ST3GAL3: variants seen among roughly 807,000 people sequenced by gnomAD.
The protein encoded by ST3GAL3 is CMP-N-acetylneuraminate-beta-1,4-galactoside alpha-2,3-sialyltransferase.
Under a neutral mutation model 50.1 loss-of-function variants are expected in ST3GAL3, and 21 were observed. That is an observed-to-expected ratio of 0.42 (90% CI 0.30 to 0.60). The LOEUF is 0.60. Among genes scored for constraint, ST3GAL3 ranks in the 20% least tolerant of loss-of-function variants. The pLI is 0.19. For synonymous variants in ST3GAL3, 183 were observed against 190.0 expected, an observed-to-expected ratio of 0.96 and a Z score of 0.30; for missense variants, 353 against 489.4, an observed-to-expected ratio of 0.72 and a Z score of 2.63.
At chr1:43,857,556 T>TTCCC (rs2068728482) in intron 5 of ST3GAL3, among the ~76,000 whole-genome samples, 2 of 93,848 alleles carry the variant, frequency 2.1e-5, no homozygotes, top group African/African-American at 7.5e-5. Flanking sequence ...CCTTCCTTCC[T>TTCCC]TTCCTTCCTT....
chr1:43,755,423 C>T (rs1208393143), intron 2 of ST3GAL3, among the ~76,000 whole-genome samples: 1 of 152,154 alleles, frequency 6.6e-6, no homozygotes, highest in Admixed American at 6.5e-5. Flanking sequence ...ATTGGTACAG[C>T]CATTCTGGAG....
At chr1:43,892,036 C>G (rs992265317) in intron 5 of ST3GAL3, among the ~76,000 whole-genome samples, 1 of 152,168 alleles carries the variant, frequency 6.6e-6, no homozygotes, top group African/African-American at 2.4e-5. Context: ...CTCTACCTCC[C>G]AGGTTCAAGC....
chr1:43,857,583 C>T (rs529704135), intron 5 of ST3GAL3, among the ~76,000 whole-genome samples: 1 of 57,972 alleles, frequency 1.7e-5, no homozygotes, highest in Non-Finnish European at 2.9e-5. Context: ...TTCCTTCCTC[C>T]CTCCCTTCCT....
chr1:43,921,083 C>T lies in ST3GAL3; in HGVS notation c.1038+155C>T, dbSNP rs1272573768. The T allele has an allele frequency of 1.0e-5, 9 of 888,746 alleles. 1 individual carries two copies. The East Asian group carries it at 2.4e-4, about 24-fold the overall frequency. The allele number at this position is 888,746 out of a possible 1,614,324, so 55.1% of individuals were successfully genotyped here. On this transcript the variant is annotated intron_variant, in intron 11 of 11. Transcript: ENST00000347631. ...TCCTACGTGCCCTCTCCACAGCCTC[C>T]CACTGAACCCAGGGCCTTCTCCCTG...
At chr1:43,801,327 A>T (rs1442005227) in intron 3 of ST3GAL3, 3 of 456,200 alleles carry the variant, frequency 6.6e-6, no homozygotes, top group Non-Finnish European at 4.4e-6. Flanking sequence ...ATTACAATGA[A>T]AAAAGGAAGT....
intron 9 of ST3GAL3, among the ~76,000 whole-genome samples, chr1:43,904,556 C>T (rs927102366): frequency 2.6e-5 from 4 of 152,004 alleles, no homozygotes; most frequent in African/African-American, 9.7e-5. Context: ...AACCATTGCT[C>T]CTCTACCCCC....
At chr1:43,801,351 C>T (rs746062630) in intron 3 of ST3GAL3, 23 of 456,234 alleles carry the variant, frequency 5.0e-5, no homozygotes, top group Non-Finnish European at 6.6e-5. Context: ...TCACTCACAA[C>T]GGAAATGCCA....
intron 2 of ST3GAL3, among the ~76,000 whole-genome samples, chr1:43,759,073 A>G (rs1011723390): frequency 4.2e-4 from 39 of 93,926 alleles, no homozygotes; most frequent in South Asian, 9.0e-4. Context: ...GCGCACACAC[A>G]CACACACACA....
intron 2 of ST3GAL3, among the ~76,000 whole-genome samples, chr1:43,784,256 C>G (rs2056986782): frequency 6.6e-6 from 1 of 152,160 alleles, no homozygotes; most frequent in African/African-American, 2.4e-5. Flanking sequence ...TGCCTGTAAT[C>G]CCAGCACTTT....
In ST3GAL3 at chr1:43,723,095, C is replaced by T. The variant is rs304304; in HGVS notation, c.-30-13138C>T. ...GTTATTTAAGAGGGTAGCAACCCTC[C>T]CCTCTCTCTCTTCCCTCCTTTTTTT... On this transcript the variant is annotated intron_variant, in intron 1 of 11. Coordinates refer to ENST00000347631, the MANE Select transcript of ST3GAL3 (RefSeq NM_006279.5). Among the ~76,000 whole-genome samples the T allele has an allele frequency of 3.2e-3, 482 of 151,724 alleles. 1 individual carries two copies. The highest frequency in any genetic ancestry group is 5.6e-3 in the Non-Finnish European group (382 of 67,866).
At chr1:43,929,686 C>T (rs574895807) in intron 11 of ST3GAL3, among the ~76,000 whole-genome samples, 2 of 152,344 alleles carry the variant, frequency 1.3e-5, no homozygotes, top group South Asian at 4.1e-4. Flanking sequence ...TCATCCGCCG[C>T]CCCCAGGCCT....
chr1:43,716,026 C>T (rs1042821141), intron 1 of ST3GAL3, among the ~76,000 whole-genome samples: 8 of 152,192 alleles, frequency 5.3e-5, no homozygotes, highest in African/African-American at 1.4e-4. Context: ...TATATAGTTA[C>T]GAGTTTTTGT....
At chr1:43,795,617 C>T (rs1041678650) in intron 3 of ST3GAL3, among the ~76,000 whole-genome samples, 8 of 152,154 alleles carry the variant, frequency 5.3e-5, no homozygotes, top group Non-Finnish European at 1.0e-4. Flanking sequence ...TCGCCAAAAA[C>T]GTTTTAGAAC....
At chr1:43,829,195 A>G (rs997648102) in intron 4 of ST3GAL3, among the ~76,000 whole-genome samples, 1 of 151,938 alleles carries the variant, frequency 6.6e-6, no homozygotes, top group Non-Finnish European at 1.5e-5. Context: ...TTGAAATCAG[A>G]AAGCTCTATA....
intron 4 of ST3GAL3, among the ~76,000 whole-genome samples, chr1:43,820,597 T>C (rs535245054): frequency 1.3e-5 from 2 of 152,206 alleles, no homozygotes; most frequent in African/African-American, 4.8e-5. Context: ...CATTTTAGAT[T>C]TTTTTTCTTC....
At position 43,744,655 on chromosome 1, in the gene ST3GAL3, A is replaced by AAAATAAATAAATAAATAAATAAAT. The variant is rs71036638; in HGVS notation, c.118+8287_118+8310dup. ...GGGACAGAGCGAGACTCCCTCTCAA[A>AAAATAAATAAATAAATAAATAAAT]AAATAAATAAATAAATAAATAAATA... On this transcript the variant is annotated intron_variant, in intron 2 of 11. Transcript: ENST00000347631. 6.3e-3 allele frequency among the ~76,000 whole-genome samples: 890 copies of AAAATAAATAAATAAATAAATAAAT among 140,936 alleles called. 7 individuals carry two copies. The highest frequency in any genetic ancestry group is 0.012 in the African/African-American group (462 of 37,632). The allele number at this position is 140,936 out of a possible 152,430, so 92.5% of individuals were successfully genotyped here. A position where few individuals can be genotyped will look rare whatever the true frequency, so the allele number is the denominator to read the frequency against.
chr1:43,920,599 G>A (rs201847038), intron 10 of ST3GAL3, 49 bp downstream of exon 10: 1 of 1,611,222 alleles, frequency 6.2e-7, no homozygotes, highest in Non-Finnish European at 8.5e-7. Flanking sequence ...TGGGTCAGAA[G>A]TGCCTTGGAA....
intron 2 of ST3GAL3, among the ~76,000 whole-genome samples, chr1:43,785,585 A>G (rs1396555341): frequency 6.6e-6 from 1 of 152,164 alleles, no homozygotes; most frequent in Non-Finnish European, 1.5e-5. Context: ...GAACATTTTG[A>G]ATCTAAAGTT....
chr1:43,755,689 C>A (rs1338540434), intron 2 of ST3GAL3, among the ~76,000 whole-genome samples: 2 of 151,998 alleles, frequency 1.3e-5, no homozygotes. Flanking sequence ...ACTTAGAAAA[C>A]ATAGTTGGAA....
Sources: gnomAD v4.1 joint callset for allele counts (sites outside exome capture counted in the v4.1 genomes callset) on GRCh38, gnomAD v4.1.1 for gene constraint, MANE v1.5 for transcripts, NCBI Gene and HGNC (gene_info 2026-07-23, HGNC 2026-07-21) for gene names.